Variants in RIMS2 observed in about 807,000 individuals in gnomAD.
RIMS2 encodes the protein regulating synaptic membrane exocytosis protein 2.
A neutral mutation model predicts 174.4 loss-of-function variants in RIMS2; 59 were observed. The ratio of observed to expected loss-of-function variants is 0.34; its 90% CI spans 0.27 to 0.42. RIMS2 has a LOEUF of 0.42. Ranked by LOEUF, RIMS2 falls within the 10% of genes least tolerant of loss-of-function variation. RIMS2 has a pLI of 1.00. For missense variants in RIMS2, 1,620 were observed against 1,666.3 expected (o/e 0.97, Z 0.48); for synonymous variants, 606 against 572.5 (o/e 1.06, Z -0.84).
chr8:103,684,393 A>T (rs1274792719), intron 1 of RIMS2, among the ~76,000 whole-genome samples: 1 of 152,128 alleles, frequency 6.6e-6, no homozygotes, highest in African/African-American at 2.4e-5. Flanking sequence ...TAAATGGTTG[A>T]TTAAATTTTT....
At chr8:103,734,715 C>G (rs2097662190) in intron 2 of RIMS2, among the ~76,000 whole-genome samples, 1 of 152,016 alleles carries the variant, frequency 6.6e-6, no homozygotes, top group African/African-American at 2.4e-5. Flanking sequence ...AGTGCAAAGT[C>G]TAGCATGTCT....
intron 1 of RIMS2, among the ~76,000 whole-genome samples, chr8:103,692,091 G>T (rs927962350): frequency 2.0e-5 from 3 of 152,072 alleles, no homozygotes; most frequent in African/African-American, 7.2e-5. Context: ...ACTGCCTGGG[G>T]TTGAGGAAGA....
intron 19 of RIMS2, among the ~76,000 whole-genome samples, chr8:104,180,137 A>T (rs960479324): frequency 5.3e-5 from 8 of 151,814 alleles, no homozygotes; most frequent in African/African-American, 1.9e-4. Context: ...ATACAATGCT[A>T]CCGTGAACAA....
intron 1 of RIMS2, among the ~76,000 whole-genome samples, chr8:103,641,953 C>T (rs939967199): frequency 1.3e-5 from 2 of 152,092 alleles, no homozygotes; most frequent in African/African-American, 4.8e-5. Flanking sequence ...TCCTTTATAG[C>T]AACACAAATG....
chr8:103,885,167 A>C, intron 3 of RIMS2, 131 bp from the exon 7 acceptor site: 2 of 1,287,662 alleles, frequency 1.6e-6, no homozygotes, highest in Non-Finnish European at 2.1e-6. Flanking sequence ...TTGTTACGCT[A>C]TGCCTTTAAA....
At chr8:103,760,787 C>A (rs1209335516) in intron 2 of RIMS2, among the ~76,000 whole-genome samples, 1 of 152,178 alleles carries the variant, frequency 6.6e-6, no homozygotes. Context: ...ACTTTATACT[C>A]TGTAGCAAAA....
chr8:103,591,547 G>A (rs1410737643), intron 1 of RIMS2, among the ~76,000 whole-genome samples: 1 of 151,024 alleles, frequency 6.6e-6, no homozygotes, highest in Non-Finnish European at 1.5e-5. Flanking sequence ...TAACTTTTAT[G>A]TTTAGGTCTA....
At chr8:103,897,891 G>A (rs982789230) in intron 4 of RIMS2, among the ~76,000 whole-genome samples, 5 of 151,572 alleles carry the variant, frequency 3.3e-5, no homozygotes, top group Admixed American at 1.3e-4. Flanking sequence ...TATCTAAAGC[G>A]TCTTTCTGCT....
chr8:103,748,422 T>A lies in RIMS2; in HGVS notation c.388-17805T>A, dbSNP rs1166043462. 2.0e-5 allele frequency among the ~76,000 whole-genome samples: 3 copies of A among 152,076 alleles called. No homozygotes were observed. The East Asian group carries it at 5.8e-4, about 29-fold the overall frequency. ...TCAATCCCACCTCTGCACTCCAGCC[T>A]GAGCAACAGAATGAGACCGTCTCAA... On this transcript the variant is annotated intron_variant, in intron 2 of 23. Coordinates refer to ENST00000504942, the Ensembl canonical transcript of RIMS2.
chr8:104,029,193 G>T (rs895067664), intron 19 of RIMS2, among the ~76,000 whole-genome samples: 1 of 152,112 alleles, frequency 6.6e-6, no homozygotes, highest in African/African-American at 2.4e-5. Flanking sequence ...AGTCACTCTC[G>T]TTGCCATCTT....
At chr8:104,069,809 A>G (rs569067377) in intron 19 of RIMS2, among the ~76,000 whole-genome samples, 1 of 152,216 alleles carries the variant, frequency 6.6e-6, no homozygotes, top group South Asian at 2.1e-4. Context: ...TATTCAAGAC[A>G]TTTTTAGTTG....
intron 6 of RIMS2, among the ~76,000 whole-genome samples, chr8:103,912,970 GTTTTTTTTTT>G (rs1272975359): frequency 1.7e-5 from 2 of 114,906 alleles, no homozygotes; most frequent in African/African-American, 3.3e-5. Context: ...TTTTTTTGTT[GTTTTTTTTTT>G]TTTTTTTTTT....
At chr8:104,108,012 GGA>G (rs1164085502) in intron 19 of RIMS2, among the ~76,000 whole-genome samples, 1 of 145,648 alleles carries the variant, frequency 6.9e-6, no homozygotes, top group Non-Finnish European at 1.5e-5. Context: ...AGAAATCAGT[GGA>G]AATTACTTCA....
At chr8:104,129,629 G>C (rs1405711174) in intron 19 of RIMS2, among the ~76,000 whole-genome samples, 2 of 152,152 alleles carry the variant, frequency 1.3e-5, no homozygotes, top group East Asian at 1.9e-4. Flanking sequence ...AAAGAACTGA[G>C]GACTGTTGTG....
chr8:103,612,542 A>T (rs1220265399), intron 1 of RIMS2, among the ~76,000 whole-genome samples: 1 of 152,128 alleles, frequency 6.6e-6, no homozygotes, highest in Non-Finnish European at 1.5e-5. Context: ...CATCTGGAAG[A>T]ATTCTCTGGA....
intron 19 of RIMS2, among the ~76,000 whole-genome samples, chr8:104,040,320 TAGG>T (rs767117609): frequency 7.9e-4 from 120 of 151,762 alleles, no homozygotes; most frequent in Non-Finnish European, 1.5e-3. Context: ...TAAATTAAAA[TAGG>T]AGATTTTGGT....
At chr8:104,088,115 A>G (rs1248806363) in intron 19 of RIMS2, among the ~76,000 whole-genome samples, 6 of 151,980 alleles carry the variant, frequency 3.9e-5, no homozygotes. Flanking sequence ...TATGCAATTT[A>G]TTTTTATTTA....
chr8:103,985,484 A>T, intron 16 of RIMS2, among the ~76,000 whole-genome samples: 1 of 148,718 alleles, frequency 6.7e-6, no homozygotes. Context: ...AAAAAAAAAA[A>T]AAAAAAAAAA....
intron 17 of RIMS2, among the ~76,000 whole-genome samples, chr8:104,000,252 C>T (rs980929541): frequency 2.0e-5 from 3 of 151,644 alleles, no homozygotes; most frequent in Non-Finnish European, 4.4e-5. Context: ...TATTCACTGC[C>T]TCCATGAGAT....
Sources: gnomAD v4.1 joint callset for allele counts (sites outside exome capture counted in the v4.1 genomes callset) on GRCh38, gnomAD v4.1.1 for gene constraint, MANE v1.5 for transcripts, NCBI Gene and HGNC (gene_info 2026-07-23, HGNC 2026-07-21) for gene names.